Variants in ANTXR1 observed in about 807,000 individuals in gnomAD.
ANTXR1 encodes anthrax toxin receptor 1.
Under a neutral mutation model 78.1 loss-of-function variants are expected in ANTXR1, and 19 were observed. That is an observed-to-expected ratio of 0.24 (90% CI 0.17 to 0.36). The LOEUF is 0.36. Among genes scored for constraint, ANTXR1 ranks in the 10% least tolerant of loss-of-function variants. The pLI is 1.00. For synonymous variants in ANTXR1, 273 were observed against 260.5 expected (o/e 1.05, Z -0.46); for missense variants, 518 against 718.6 (o/e 0.72, Z 3.19).
chr2:69,212,615 G>A (rs1267523948), intron 17 of ANTXR1, among the ~76,000 whole-genome samples: 1 of 152,062 alleles, frequency 6.6e-6, no homozygotes, highest in East Asian at 1.9e-4. Flanking sequence ...CCATTTCTTG[G>A]GGGTTTTCTT....
At chr2:69,230,210 G>A (rs776611032) in intron 17 of ANTXR1, among the ~76,000 whole-genome samples, 1 of 151,860 alleles carries the variant, frequency 6.6e-6, no homozygotes, top group African/African-American at 2.4e-5. Context: ...CTAAACAGGT[G>A]CAAACAAAAC....
intron 17 of ANTXR1, among the ~76,000 whole-genome samples, chr2:69,230,641 G>A (rs1285064477): frequency 6.6e-6 from 1 of 152,158 alleles, no homozygotes; most frequent in African/African-American, 2.4e-5. Context: ...TCAACCTTGA[G>A]CTACCCACTG....
At chr2:69,224,362 T>C (rs1317854379) in intron 17 of ANTXR1, among the ~76,000 whole-genome samples, 1 of 152,246 alleles carries the variant, frequency 6.6e-6, no homozygotes, top group Non-Finnish European at 1.5e-5. Flanking sequence ...CAACACACTT[T>C]GAAAGTAGGC....
intron 17 of ANTXR1, among the ~76,000 whole-genome samples, chr2:69,213,758 GT>G (rs1675108543): frequency 6.6e-6 from 1 of 152,268 alleles, no homozygotes; most frequent in African/African-American, 2.4e-5. Flanking sequence ...ATTTCAGAGT[GT>G]CGGGGCAACA....
At chr2:69,158,708 T>C (rs895524968) in intron 13 of ANTXR1, among the ~76,000 whole-genome samples, 4 of 152,252 alleles carry the variant, frequency 2.6e-5, no homozygotes, top group African/African-American at 9.6e-5. Context: ...AAATAGGCTT[T>C]GTGTTATCTA....
At chr2:69,075,462 C>T (rs887009798) in intron 6 of ANTXR1, 128 bp from the exon 7 acceptor site, 6 of 888,248 alleles carry the variant, frequency 6.8e-6, no homozygotes, top group Admixed American at 5.1e-5. Context: ...ATTGCCTTCT[C>T]CAGTATGGCA....
At chr2:69,149,591 T>A (rs977601029) in intron 12 of ANTXR1, among the ~76,000 whole-genome samples, 1 of 152,232 alleles carries the variant, frequency 6.6e-6, no homozygotes, top group Non-Finnish European at 1.5e-5. Context: ...ACTGCTGTTT[T>A]GTAAGCCTCT....
intron 10 of ANTXR1, among the ~76,000 whole-genome samples, chr2:69,119,707 G>A (rs62134398): frequency 0.26 from 39,723 of 152,156 alleles, 5,751 homozygotes; most frequent in African/African-American, 0.37. Flanking sequence ...ACAAGGAAAC[G>A]AAGCACAGCT....
intron 10 of ANTXR1, among the ~76,000 whole-genome samples, chr2:69,105,013 G>A (rs906892644): frequency 5.3e-5 from 8 of 152,218 alleles, no homozygotes; most frequent in Admixed American, 1.3e-4. Context: ...TTGAGGCCAG[G>A]AGGCAGAGGT....
At chr2:69,159,716 A>C (rs577820361) in intron 13 of ANTXR1, among the ~76,000 whole-genome samples, 2 of 152,234 alleles carry the variant, frequency 1.3e-5, no homozygotes, top group Admixed American at 1.3e-4. Flanking sequence ...ATATAAACAA[A>C]ATTGTTCTCC....
chr2:69,105,665 C>T (rs1244486198), intron 10 of ANTXR1, among the ~76,000 whole-genome samples: 1 of 152,224 alleles, frequency 6.6e-6, no homozygotes, highest in African/African-American at 2.4e-5. Context: ...GATTCCTTTA[C>T]CTTTCCCATT....
intron 11 of ANTXR1, among the ~76,000 whole-genome samples, chr2:69,123,556 A>G (rs529545881): frequency 6.6e-6 from 1 of 152,238 alleles, no homozygotes; most frequent in Non-Finnish European, 1.5e-5. Context: ...TGGCTGGTTC[A>G]TGGCGAGCCA....
chr2:69,015,129 A>C (rs1163236092), intron 1 of ANTXR1, among the ~76,000 whole-genome samples: 1 of 152,138 alleles, frequency 6.6e-6, no homozygotes, highest in African/African-American at 2.4e-5. Flanking sequence ...GACTGTAGAG[A>C]TACTATAGAG....
At chr2:69,047,249 G>C (rs72895466) in intron 3 of ANTXR1, among the ~76,000 whole-genome samples, 1 of 152,064 alleles carries the variant, frequency 6.6e-6, no homozygotes, top group Non-Finnish European at 1.5e-5. Flanking sequence ...TCAAATACAC[G>C]TAGGGTAAAG....
intron 17 of ANTXR1, among the ~76,000 whole-genome samples, chr2:69,205,573 T>C (rs1377519043): frequency 2.0e-5 from 3 of 150,252 alleles, no homozygotes; most frequent in Non-Finnish European, 4.4e-5. Flanking sequence ...GTAAGCAATT[T>C]GAGGGAATGA....
At chr2:69,131,005 C>T (rs1218704547) in intron 12 of ANTXR1, among the ~76,000 whole-genome samples, 3 of 152,052 alleles carry the variant, frequency 2.0e-5, no homozygotes, top group Non-Finnish European at 2.9e-5. Flanking sequence ...TAAATAGTAA[C>T]ATAGGGAAAT....
At chr2:69,027,984 G>A (rs1419545193) in intron 1 of ANTXR1, among the ~76,000 whole-genome samples, 3 of 152,046 alleles carry the variant, frequency 2.0e-5, no homozygotes, top group African/African-American at 7.2e-5. Context: ...GCAGTAAAGA[G>A]CAGAACAGAC....
In ANTXR1 at chr2:69,070,648, G is replaced by A. The variant is rs201965805; in HGVS notation, c.298G>A (p.Glu100Lys). Residue 100 changes from glutamate (E) to lysine (K), a missense_variant and splice_region_variant, in exon 4 of 18, where the codon GAA becomes AAA. This residue lies in a region of ANTXR1 where 264 missense variants were observed against 391.8 expected (regional missense o/e 0.67). Coordinates refer to ENST00000303714, the MANE Select transcript of ANTXR1 (RefSeq NM_032208.3). ...TTLMKLTEDR[E>K]QIRQGLEELQ... is the part of the protein sequence containing the mutation. The stretch of plus-strand genomic sequence containing the variant: ...TAACAGAGTGTCTTTGGATTTCAGA[G>A]AACAAATCCGTCAAGGCCTAGAAGA... The A allele has an allele frequency of 6.2e-7, 1 of 1,613,824 alleles. No individual in the cohort carries two copies. The highest frequency in any genetic ancestry group is 1.7e-5 in the Admixed American group (1 of 59,996).
At chr2:69,052,171 A>G (rs1669949535) in intron 3 of ANTXR1, among the ~76,000 whole-genome samples, 1 of 152,096 alleles carries the variant, frequency 6.6e-6, no homozygotes, top group South Asian at 2.1e-4. Flanking sequence ...ACTTACTGTA[A>G]GATTTACGGA....
Sources: gnomAD v4.1 joint callset for allele counts (sites outside exome capture counted in the v4.1 genomes callset) on GRCh38, gnomAD v4.1.1 for gene constraint, gnomAD v4.1.1 regional missense constraint, MANE v1.5 for transcripts, NCBI Gene and HGNC (gene_info 2026-07-23, HGNC 2026-07-21) for gene names.